Variants in KLF7 observed in about 807,000 individuals in gnomAD.
KLF7 encodes the protein Krueppel-like factor 7.
In KLF7, 2 loss-of-function variants were observed where a neutral mutation model predicts 27.3. The observed-to-expected ratio is 0.07, with a 90% CI of 0.03 to 0.23. The LOEUF (loss-of-function observed/expected upper bound fraction) is 0.23. Ranked by LOEUF, KLF7 falls within the 10% of genes least tolerant of loss-of-function variation. The probability of loss-of-function intolerance (pLI) is 1.00; values close to 1 mark genes in which losing one functional copy is unlikely to be tolerated. For missense variants in KLF7, 221 were observed against 394.1 expected, an observed-to-expected ratio of 0.56 and a Z score of 3.72; for synonymous variants, 165 against 162.4, an observed-to-expected ratio of 1.02 and a Z score of -0.12.
upstream of KLF7, among the ~76,000 whole-genome samples, chr2:207,171,548 G>T (rs2078786102): frequency 6.6e-6 from 1 of 152,126 alleles, no homozygotes; most frequent in Non-Finnish European, 1.5e-5. Flanking sequence ...ATTTATTGTT[G>T]TCTTTTTCTA....
intron 1 of KLF7, among the ~76,000 whole-genome samples, chr2:207,125,404 C>T (rs2077452571): frequency 6.6e-6 from 1 of 152,202 alleles, no homozygotes; most frequent in Admixed American, 6.5e-5. Flanking sequence ...TGCTAACTTG[C>T]ACTATCAGCT....
intron 2 of KLF7, among the ~76,000 whole-genome samples, chr2:207,104,457 C>A (rs1011147571): frequency 2.0e-5 from 3 of 152,212 alleles, no homozygotes; most frequent in African/African-American, 7.2e-5. Context: ...ATTCCACCCA[C>A]CTTCAATGGG....
At chr2:207,126,821 A>C (rs2077489680) in intron 1 of KLF7, among the ~76,000 whole-genome samples, 1 of 151,634 alleles carries the variant, frequency 6.6e-6, no homozygotes, top group Admixed American at 6.6e-5. Context: ...AAAAAAAAAA[A>C]AAAAATCAGC....
intron 1 of KLF7, among the ~76,000 whole-genome samples, chr2:207,144,627 T>C (rs1460492132): frequency 6.6e-6 from 1 of 152,186 alleles, no homozygotes; most frequent in Non-Finnish European, 1.5e-5. Context: ...TCCCCTTTCT[T>C]TGAAGATCTG....
chr2:207,123,679 G>C (rs1009075920), intron 2 of KLF7, 95 bp downstream of exon 2: 1 of 1,353,694 alleles, frequency 7.4e-7, no homozygotes, highest in Non-Finnish European at 1.0e-6. Context: ...TCATCAGCAG[G>C]GGTGCCACTC....
chr2:207,161,603 C>T (rs1438548654), intron 1 of KLF7, among the ~76,000 whole-genome samples: 4 of 152,186 alleles, frequency 2.6e-5, no homozygotes, highest in Admixed American at 6.5e-5. Context: ...AAAGGAGAAG[C>T]AATGTGGCTC....
At chr2:207,137,592 A>C (rs1416783322) in intron 1 of KLF7, among the ~76,000 whole-genome samples, 2 of 152,234 alleles carry the variant, frequency 1.3e-5, no homozygotes, top group African/African-American at 4.8e-5. Context: ...AATCCAATTA[A>C]GAGGGTATGG....
At chr2:207,103,372 T>C (rs1286446080) in intron 2 of KLF7, among the ~76,000 whole-genome samples, 2 of 152,212 alleles carry the variant, frequency 1.3e-5, no homozygotes, top group East Asian at 1.9e-4. Context: ...ATGGAAATCC[T>C]AGGGATAGGT....
chr2:207,114,926 C>T lies in KLF7; in HGVS notation c.733+8848G>A, dbSNP rs150955253. On this transcript the variant is annotated intron_variant, in intron 2 of 3. Coordinates refer to ENST00000309446, the MANE Select transcript of KLF7 (RefSeq NM_003709.4). ...AAGTTGGGATTAAAACATCTTTTTA[C>T]ATTATTTGCCTGAAAACAATATGTA... is the stretch of plus-strand genomic sequence containing the variant. 8.1e-3 allele frequency among the ~76,000 whole-genome samples: 1,229 copies of T among 152,130 alleles called. 10 individuals carry two copies. The highest frequency in any genetic ancestry group is 0.02 in the Middle Eastern group (6 of 294).
chr2:207,102,619 C>G (rs1574455140), intron 2 of KLF7, among the ~76,000 whole-genome samples: 1 of 152,188 alleles, frequency 6.6e-6, no homozygotes, highest in South Asian at 2.1e-4. Context: ...CTACAATGTA[C>G]TAGGATGTTA....
At chr2:207,164,937 C>T (rs1201363821) in intron 1 of KLF7, among the ~76,000 whole-genome samples, 1 of 152,048 alleles carries the variant, frequency 6.6e-6, no homozygotes, top group Non-Finnish European at 1.5e-5. Context: ...CAAAATCAAG[C>T]TCCTATTCTT....
intron 2 of KLF7, among the ~76,000 whole-genome samples, chr2:207,091,578 T>TA (rs2076513913): frequency 6.6e-6 from 1 of 152,102 alleles, no homozygotes; most frequent in South Asian, 2.1e-4. Flanking sequence ...CAAATACTAA[T>TA]AAAAAATTTA....
At chr2:207,168,477 A>C (rs191928880), upstream of KLF7, among the ~76,000 whole-genome samples, 318 of 152,328 alleles carry the variant, frequency 2.1e-3, 3 homozygotes, top group Admixed American at 0.019. Flanking sequence ...GCAGGGGTTC[A>C]AATCCAAGAG....
chr2:207,158,120 T>C (rs1040151193), intron 1 of KLF7, among the ~76,000 whole-genome samples: 1 of 152,100 alleles, frequency 6.6e-6, no homozygotes, highest in Non-Finnish European at 1.5e-5. Flanking sequence ...GAAGGAGATT[T>C]TAACCTCTAA....
chr2:207,126,765 T>C (rs180926485), intron 1 of KLF7, among the ~76,000 whole-genome samples: 2 of 149,486 alleles, frequency 1.3e-5, no homozygotes, highest in Non-Finnish European at 3.0e-5. Context: ...GTCGTACCAC[T>C]GCACTCCAGC....
At chr2:207,089,162 A>G (rs1224024280) in intron 2 of KLF7, among the ~76,000 whole-genome samples, 2 of 152,236 alleles carry the variant, frequency 1.3e-5, no homozygotes, top group Non-Finnish European at 2.9e-5. Context: ...AAAGGTCTAC[A>G]ATTTCAGAGT....
At chr2:207,117,679 T>C (rs1484206995) in intron 2 of KLF7, among the ~76,000 whole-genome samples, 1 of 152,238 alleles carries the variant, frequency 6.6e-6, no homozygotes, top group African/African-American at 2.4e-5. Flanking sequence ...AGTTCCACAC[T>C]GAGGTATTAA....
At chr2:207,166,495 TG>T (rs2106163230), upstream of KLF7, 1 of 151,886 alleles carries the variant, frequency 6.6e-6, no homozygotes, top group East Asian at 2.0e-4. Flanking sequence ...ACTAGATGCC[TG>T]GCAGAGCCCG....
intron 2 of KLF7, among the ~76,000 whole-genome samples, chr2:207,111,602 C>A (rs142708533): frequency 6.6e-6 from 1 of 152,196 alleles, no homozygotes; most frequent in Non-Finnish European, 1.5e-5. Context: ...ATTAGCAAAG[C>A]AGGTTTTCAG....
Sources: gnomAD v4.1 joint callset for allele counts (sites outside exome capture counted in the v4.1 genomes callset) on GRCh38, gnomAD v4.1.1 for gene constraint, MANE v1.5 for transcripts, NCBI Gene and HGNC (gene_info 2026-07-23, HGNC 2026-07-21) for gene names.